Variants in ADCY8 observed in about 807,000 individuals in gnomAD.
ADCY8 encodes the protein adenylate cyclase 8.
In ADCY8, 51 loss-of-function variants were observed where a neutral mutation model predicts 119.7. The observed-to-expected ratio is 0.43, with a 90% confidence interval of 0.34 to 0.54. The LOEUF is 0.54. ADCY8 is among the 20% of genes least tolerant of loss of function. ADCY8 has a pLI of 0.03. For synonymous variants in ADCY8, 665 were observed against 651.0 expected (o/e 1.02, Z -0.33); for missense variants, 1,383 against 1,598.8 (o/e 0.87, Z 2.30).
chr8:130,797,691 T>C (rs554994189), intron 15 of ADCY8, among the ~76,000 whole-genome samples: 1 of 152,266 alleles, frequency 6.6e-6, no homozygotes, highest in South Asian at 2.1e-4. Context: ...CCTCCCCACC[T>C]TGCAAGACCC....
chr8:130,941,753 C>T (rs528942117), intron 4 of ADCY8, among the ~76,000 whole-genome samples: 2 of 152,162 alleles, frequency 1.3e-5, no homozygotes, highest in Non-Finnish European at 2.9e-5. Flanking sequence ...GCCTCATCTC[C>T]ACCACTTCCT....
At chr8:130,858,242 T>C (rs1817812178) in intron 9 of ADCY8, among the ~76,000 whole-genome samples, 1 of 152,238 alleles carries the variant, frequency 6.6e-6, no homozygotes, top group African/African-American at 2.4e-5. Context: ...TCATGGATGC[T>C]GAGTTGGTCA....
intron 2 of ADCY8, among the ~76,000 whole-genome samples, chr8:130,964,783 A>G (rs916094372): frequency 2.0e-5 from 3 of 152,336 alleles, no homozygotes; most frequent in Non-Finnish European, 4.4e-5. Flanking sequence ...TCTACCAACA[A>G]TCTATGACAA....
chr8:130,966,849 G>A (rs1563748745), intron 2 of ADCY8, among the ~76,000 whole-genome samples: 1 of 152,090 alleles, frequency 6.6e-6, no homozygotes, highest in Non-Finnish European at 1.5e-5. Context: ...GAATTAGATA[G>A]CATCTAGCAC....
At chr8:131,026,064 C>A (rs1823813820) in intron 1 of ADCY8, among the ~76,000 whole-genome samples, 1 of 152,200 alleles carries the variant, frequency 6.6e-6, no homozygotes, top group Admixed American at 6.6e-5. Flanking sequence ...TAAATGAAAG[C>A]ATGCATTAAT....
At chr8:131,011,343 C>G (rs1419501281) in intron 1 of ADCY8, among the ~76,000 whole-genome samples, 2 of 152,010 alleles carry the variant, frequency 1.3e-5, no homozygotes, top group Non-Finnish European at 2.9e-5. Context: ...TTTTGAAGAC[C>G]AGAGTGAATA....
chr8:130,955,998 A>G lies in ADCY8; in HGVS notation c.1111-4000T>C, dbSNP rs143214022. On this transcript the variant is annotated intron_variant, in intron 2 of 17. Coordinates refer to ENST00000286355, the MANE Select transcript of ADCY8 (RefSeq NM_001115.3). The stretch of plus-strand genomic sequence containing the variant: ...CATTGCTACCAAAAATTTAATAATT[A>G]GCCAGGCATGGTGGCATGTGCCTAT... 6.8e-3 allele frequency among the ~76,000 whole-genome samples: 1,034 copies of G among 152,300 alleles called. 4 individuals carry two copies. Among genetic ancestry groups the G allele is most frequent in the Non-Finnish European group, 0.012 (815 of 68,022 alleles).
chr8:130,936,066 C>A (rs1405886637), intron 5 of ADCY8, among the ~76,000 whole-genome samples: 1 of 134,310 alleles, frequency 7.4e-6, no homozygotes, highest in African/African-American at 3.0e-5. Flanking sequence ...GTCACCCAAG[C>A]ACTGACATGT....
chr8:130,909,759 C>T lies in ADCY8; in HGVS notation c.1589G>A (p.Trp530Ter). 1 of 1,614,092 alleles carries T rather than the reference C, an allele frequency of 6.2e-7. No individual in the cohort carries two copies. The highest frequency in any genetic ancestry group is 8.5e-7 in the Non-Finnish European group (1 of 1,180,008). ...GTTTGCAATATCCACATCCCAAGACCAGACATCAAACTGCCACTTCCTTAG... is the reference window on the plus strand; with the variant it reads ...GTTTGCAATATCCACATCCCAAGACTAGACATCAAACTGCCACTTCCTTAG... ...LGLRKWQFDVWSWDVDIANKL... is the reference protein window; with the variant it reads ...LGLRKWQFDV Residue 530 changes from tryptophan to a stop codon, truncating the protein, a stop_gained, in exon 6 of 18, where the codon TGG becomes TAG. Transcript: ENST00000286355. LOFTEE classifies it high-confidence loss of function.
At chr8:131,014,765 T>C (rs574218068) in intron 1 of ADCY8, among the ~76,000 whole-genome samples, 3 of 152,328 alleles carry the variant, frequency 2.0e-5, no homozygotes, top group Admixed American at 2.0e-4. Flanking sequence ...TAATGGGACT[T>C]ACTTCATAGG....
chr8:130,875,397 A>G (rs1818523056), intron 8 of ADCY8, among the ~76,000 whole-genome samples: 1 of 152,210 alleles, frequency 6.6e-6, no homozygotes, highest in Non-Finnish European at 1.5e-5. Context: ...AAGATCATGA[A>G]AATGACTAGG....
At chr8:130,893,620 G>A (rs959937309) in intron 7 of ADCY8, among the ~76,000 whole-genome samples, 5 of 151,662 alleles carry the variant, frequency 3.3e-5, no homozygotes, top group Non-Finnish European at 7.4e-5. Context: ...TCAAAGATGT[G>A]GATTTTTTAG....
intron 2 of ADCY8, among the ~76,000 whole-genome samples, chr8:130,965,288 G>A (rs1043285519): frequency 7.2e-5 from 11 of 152,206 alleles, no homozygotes; most frequent in African/African-American, 2.6e-4. Context: ...AACATTGAGT[G>A]CACATGGGCA....
At position 130,995,488 on chromosome 8, in the gene ADCY8, C is replaced by A. The variant is rs75151211; in HGVS notation, c.961-4946G>T. Among the ~76,000 whole-genome samples the A allele has an allele frequency of 5.4e-3, 815 of 152,250 alleles. 5 individuals are homozygous for A. The highest frequency in any genetic ancestry group is 0.019 in the African/African-American group (787 of 41,570). ...CATTGTTAAAATAGTAAAATGAAGA[C>A]TTCCCATCATGACAGTGAGGATCGT... On this transcript the variant is annotated intron_variant, in intron 1 of 17. Transcript: ENST00000286355.
intron 2 of ADCY8, among the ~76,000 whole-genome samples, chr8:130,955,145 C>T (rs894192883): frequency 6.6e-6 from 1 of 152,026 alleles, no homozygotes; most frequent in African/African-American, 2.4e-5. Flanking sequence ...CTGACAGGCT[C>T]CTGGAATGGC....
intron 3 of ADCY8, among the ~76,000 whole-genome samples, chr8:130,945,088 T>C (rs1291841805): frequency 2.6e-5 from 4 of 152,134 alleles, no homozygotes; most frequent in Non-Finnish European, 4.4e-5. Flanking sequence ...GAACAGTACA[T>C]TCTAGGGTCT....
chr8:130,899,128 G>C (rs1819508789), intron 7 of ADCY8, among the ~76,000 whole-genome samples: 2 of 152,080 alleles, frequency 1.3e-5, no homozygotes, highest in Non-Finnish European at 2.9e-5. Flanking sequence ...CTTTTCCTCT[G>C]TTTAGAATGC....
At chr8:130,941,663 C>A (rs966864342) in intron 4 of ADCY8, among the ~76,000 whole-genome samples, 1 of 152,142 alleles carries the variant, frequency 6.6e-6, no homozygotes, top group African/African-American at 2.4e-5. Flanking sequence ...CCTCCGCCCC[C>A]GTCAGTCTCC....
chr8:130,884,749 G>T lies in ADCY8; in HGVS notation c.1924C>A (p.Leu642Ile). 1 of 1,613,786 alleles carries T rather than the reference G, an allele frequency of 6.2e-7. No individual in the cohort carries two copies. Among genetic ancestry groups the T allele is most frequent in the Non-Finnish European group, 8.5e-7 (1 of 1,179,776 alleles). The change falls in exon 8 of 18, where the codon CTA becomes ATA. Residue 642 changes from leucine (L) to isoleucine (I), a missense_variant. By Grantham distance (5) the Leu-to-Ile change is conservative. This residue lies in a region of ADCY8 where 928 missense variants were observed against 1,163.5 expected (regional missense o/e 0.80). Transcript: ENST00000286355. ...AGCAGATTTATTGAATTTCTTGTTAGGGCAGCCAGAGTCTAGGGGGAAAGC... is the reference window on the plus strand; with the variant it reads ...AGCAGATTTATTGAATTTCTTGTTATGGCAGCCAGAGTCTAGGGGGAAAGC... ...IVGKQNTLAA[L>I]TRNSINLLPN...
Sources: allele counts gnomAD v4.1 joint callset (sites outside exome capture counted in the v4.1 genomes callset), GRCh38; gene constraint gnomAD v4.1.1; regional missense constraint gnomAD v4.1.1; transcripts MANE v1.5; gene names NCBI Gene and HGNC (gene_info 2026-07-23, HGNC 2026-07-21).